The following DEPDC1B variants were observed in gnomAD, a reference collection of about 807,000 sequenced individuals.
DEPDC1B encodes DEP domain-containing protein 1B.
Under a neutral mutation model 66.5 loss-of-function variants are expected in DEPDC1B, and 51 were observed. That is an observed-to-expected ratio of 0.77 (90% CI 0.61 to 0.97). The LOEUF (loss-of-function observed/expected upper bound fraction) is 0.97. Ranked by LOEUF, DEPDC1B falls within the 50% of genes least tolerant of loss-of-function variation. DEPDC1B has a pLI of 0.00. For missense variants in DEPDC1B, 552 were observed against 637.1 expected, an observed-to-expected ratio of 0.87 and a Z score of 1.44; for synonymous variants, 226 against 223.6, an observed-to-expected ratio of 1.01 and a Z score of -0.10.
chr5:60,625,829 T>A (rs1292298934), intron 7 of DEPDC1B, among the ~76,000 whole-genome samples: 1 of 152,162 alleles, frequency 6.6e-6, no homozygotes, highest in Non-Finnish European at 1.5e-5. Flanking sequence ...TTCTTTTTTC[T>A]CTCTGTGCTT....
chr5:60,672,827 T>C (rs986745017), intron 2 of DEPDC1B, among the ~76,000 whole-genome samples: 8 of 152,232 alleles, frequency 5.3e-5, no homozygotes, highest in African/African-American at 1.4e-4. Flanking sequence ...GTGTTTGTTA[T>C]AGTCCTTCCA....
In DEPDC1B at chr5:60,597,629, A is replaced by T. The variant is rs1752121876; in HGVS notation, c.*124T>A. On this transcript the variant is annotated 3_prime_UTR_variant, in exon 11 of 11. Transcript: ENST00000265036. ...ATTTTTAAAAACTAAGGCAATCTTT[A>T]TCTATATTTCAGTAGTCTTTGTTTT... 9.5e-7 allele frequency: 1 copy of T among 1,051,514 alleles called. No individual in the cohort carries two copies. The highest frequency in any genetic ancestry group is 1.6e-5 in the South Asian group (1 of 60,822). 65.1% of individuals were successfully genotyped at this position (1,051,514 alleles called of 1,614,324 possible).
At chr5:60,687,267 AT>A (rs746828576) in intron 1 of DEPDC1B, 40 bp from the exon 2 acceptor site, 2 of 1,563,486 alleles carry the variant, frequency 1.3e-6, no homozygotes, top group South Asian at 1.2e-5. Flanking sequence ...TAATCAACTG[AT>A]TTTTTTAAGA....
At chr5:60,598,990 T>C (rs1332463109) in intron 10 of DEPDC1B, 85 bp downstream of exon 10, 1 of 1,183,780 alleles carries the variant, frequency 8.4e-7, no homozygotes, top group Admixed American at 3.1e-5. Flanking sequence ...GAAGATGAGA[T>C]TTACATGAAG....
intron 2 of DEPDC1B, among the ~76,000 whole-genome samples, chr5:60,671,278 T>C (rs1754028705): frequency 6.6e-6 from 1 of 152,036 alleles, no homozygotes; most frequent in South Asian, 2.1e-4. Flanking sequence ...ATCTTCTAGG[T>C]TTCCACTCAA....
At chr5:60,670,491 T>G (rs1754010617) in intron 2 of DEPDC1B, among the ~76,000 whole-genome samples, 1 of 152,146 alleles carries the variant, frequency 6.6e-6, no homozygotes, top group Admixed American at 6.5e-5. Flanking sequence ...CCAGCAAGAA[T>G]TTTTATAGGA....
intron 7 of DEPDC1B, among the ~76,000 whole-genome samples, chr5:60,614,819 T>C (rs911905600): frequency 2.0e-5 from 3 of 151,936 alleles, no homozygotes; most frequent in African/African-American, 7.2e-5. Flanking sequence ...GGCAAAACCC[T>C]GTCTCTACTA....
chr5:60,675,168 G>A (rs575414747), intron 2 of DEPDC1B, among the ~76,000 whole-genome samples: 38 of 152,194 alleles, frequency 2.5e-4, no homozygotes, highest in African/African-American at 8.0e-4. Context: ...CACCCCTGTC[G>A]GTTTCCACTG....
intron 2 of DEPDC1B, among the ~76,000 whole-genome samples, chr5:60,661,922 T>C (rs1391211629): frequency 2.0e-5 from 3 of 152,166 alleles, no homozygotes; most frequent in Non-Finnish European, 4.4e-5. Context: ...AAAAAGCCTA[T>C]AAATTATTCA....
intron 2 of DEPDC1B, among the ~76,000 whole-genome samples, chr5:60,676,104 G>A (rs1438851543): frequency 6.6e-6 from 1 of 151,266 alleles, no homozygotes; most frequent in African/African-American, 2.4e-5. Context: ...CAATTTTTTT[G>A]TATTTTTAGT....
intron 1 of DEPDC1B, among the ~76,000 whole-genome samples, chr5:60,693,266 A>C (rs956780401): frequency 2.0e-5 from 3 of 152,160 alleles, no homozygotes; most frequent in African/African-American, 7.2e-5. Context: ...TGGGGTGGTA[A>C]ACTGGATGTG....
intron 2 of DEPDC1B, among the ~76,000 whole-genome samples, chr5:60,651,216 T>G (rs937560416): frequency 1.3e-5 from 2 of 151,986 alleles, no homozygotes; most frequent in African/African-American, 4.8e-5. Flanking sequence ...CCAAAATTCC[T>G]GATCCACACA....
chr5:60,601,356 G>A (rs985947454), intron 9 of DEPDC1B, among the ~76,000 whole-genome samples: 9 of 152,168 alleles, frequency 5.9e-5, no homozygotes, highest in African/African-American at 2.2e-4. Context: ...CCATGCAAGT[G>A]GCAAAGATAT....
At chr5:60,620,066 C>A (rs1752666368) in intron 7 of DEPDC1B, among the ~76,000 whole-genome samples, 1 of 152,074 alleles carries the variant, frequency 6.6e-6, no homozygotes, top group Non-Finnish European at 1.5e-5. Context: ...ATAAATGGTG[C>A]TGGGAAAACT....
chr5:60,604,166 A>C (rs1752262236), intron 8 of DEPDC1B, among the ~76,000 whole-genome samples: 1 of 149,840 alleles, frequency 6.7e-6, no homozygotes, highest in South Asian at 2.1e-4. Context: ...AGAAATGCAA[A>C]ATATATTATA....
intron 8 of DEPDC1B, among the ~76,000 whole-genome samples, chr5:60,603,826 CAT>C (rs34747463): frequency 0.46 from 67,344 of 145,942 alleles, 16,244 homozygotes; most frequent in Admixed American, 0.55. Flanking sequence ...TTTAAATATA[CAT>C]ATATATATAT....
chr5:60,613,219 A>G (rs2111744753), intron 7 of DEPDC1B, among the ~76,000 whole-genome samples: 1 of 152,336 alleles, frequency 6.6e-6, no homozygotes, highest in South Asian at 2.1e-4. Flanking sequence ...GGCCTACTTC[A>G]AAAACAGTGG....
chr5:60,599,351 G>A (rs1298161766), intron 9 of DEPDC1B, 91 bp from the exon 10 acceptor site: 5 of 985,582 alleles, frequency 5.1e-6, no homozygotes, highest in Non-Finnish European at 6.8e-6. Context: ...ATATCTCCTT[G>A]TACCGTAGCA....
At chr5:60,613,922 T>C (rs868143842) in intron 7 of DEPDC1B, among the ~76,000 whole-genome samples, 1 of 152,000 alleles carries the variant, frequency 6.6e-6, no homozygotes, top group African/African-American at 2.4e-5. Context: ...AGATTACTTA[T>C]TGATATATTT....
Sources: gnomAD v4.1 joint callset for allele counts (sites outside exome capture counted in the v4.1 genomes callset) on GRCh38, gnomAD v4.1.1 for gene constraint, MANE v1.5 for transcripts, NCBI Gene and HGNC (gene_info 2026-07-23, HGNC 2026-07-21) for gene names.